The following CPXM2 variants were observed in gnomAD, a reference collection of about 807,000 sequenced individuals.
The protein encoded by CPXM2 is inactive carboxypeptidase-like protein X2.
Under a neutral mutation model 86.1 loss-of-function variants are expected in CPXM2, and 66 were observed. That is an observed-to-expected ratio of 0.77 (90% confidence interval 0.63 to 0.94). CPXM2 has a LOEUF of 0.94. Among genes scored for constraint, CPXM2 ranks in the 40% least tolerant of loss-of-function variants. The pLI is 0.00. For missense variants in CPXM2, 948 were observed against 1,026.3 expected (o/e 0.92, Z 1.04); for synonymous variants, 388 against 400.2 (o/e 0.97, Z 0.36).
chr10:123,819,211 T>G (rs146472938), intron 4 of CPXM2, among the ~76,000 whole-genome samples: 1 of 152,302 alleles, frequency 6.6e-6, no homozygotes, highest in South Asian at 2.1e-4. Context: ...AGAGTATGCA[T>G]GGACTACGGG....
chr10:123,795,859 C>T (rs1327874360), intron 6 of CPXM2, among the ~76,000 whole-genome samples: 1 of 152,162 alleles, frequency 6.6e-6, no homozygotes, highest in African/African-American at 2.4e-5. Context: ...AATAACTTCA[C>T]AGGGAAGTAT....
intron 2 of CPXM2, among the ~76,000 whole-genome samples, chr10:123,915,360 C>A (rs111960426): frequency 6.6e-6 from 1 of 152,102 alleles, no homozygotes; most frequent in Non-Finnish European, 1.5e-5. Context: ...GAGTTCGAGA[C>A]CAGACTGGCC....
intron 1 of CPXM2, among the ~76,000 whole-genome samples, chr10:123,888,900 T>G (rs1346235157): frequency 6.6e-6 from 1 of 152,156 alleles, no homozygotes; most frequent in Non-Finnish European, 1.5e-5. Context: ...GTTTTCAGTA[T>G]GGGGCTTGGA....
rs543350117 is a variant in CPXM2 at position 123,837,468 on chromosome 10, C to T, written c.653+4881G>A. Among the ~76,000 whole-genome samples the T allele has an allele frequency of 2.0e-4, 30 of 152,274 alleles. 2 individuals carry two copies. The South Asian group carries it at 6.2e-3, about 32-fold the overall frequency. On this transcript the variant is annotated intron_variant, in intron 4 of 13. Transcript: ENST00000241305. ...GAAAAGATTTGGTTACTTCAAACTG[C>T]CTGTATTTAGTCCAAATCATTAGAA...
chr10:123,827,490 A>G (rs1848072507), intron 4 of CPXM2, among the ~76,000 whole-genome samples: 1 of 152,222 alleles, frequency 6.6e-6, no homozygotes, highest in Admixed American at 6.5e-5. Context: ...CGTAAACCTA[A>G]CAAAAGGTTT....
intron 4 of CPXM2, among the ~76,000 whole-genome samples, chr10:123,834,595 C>T (rs1322203440): frequency 6.6e-6 from 1 of 152,148 alleles, no homozygotes; most frequent in Non-Finnish European, 1.5e-5. Context: ...AAAGGATGCT[C>T]CTGGGCTGGA....
At chr10:123,813,423 T>G (rs939213920) in intron 4 of CPXM2, among the ~76,000 whole-genome samples, 1 of 152,248 alleles carries the variant, frequency 6.6e-6, no homozygotes, top group Non-Finnish European at 1.5e-5. Context: ...GTCTTCATCA[T>G]GCTTCTCTTT....
intron 4 of CPXM2, among the ~76,000 whole-genome samples, chr10:123,834,545 G>C (rs1848239374): frequency 6.6e-6 from 1 of 152,224 alleles, no homozygotes; most frequent in African/African-American, 2.4e-5. Flanking sequence ...AAGTGCAAAG[G>C]CTCCAGGGCA....
chr10:123,871,656 G>A (rs1043187374), intron 2 of CPXM2, among the ~76,000 whole-genome samples: 1 of 152,028 alleles, frequency 6.6e-6, no homozygotes, highest in Non-Finnish European at 1.5e-5. Context: ...ACCTTGGGGT[G>A]GGCAAAAAAC....
chr10:123,773,033 T>C (rs1846685601), intron 7 of CPXM2, among the ~76,000 whole-genome samples: 1 of 151,886 alleles, frequency 6.6e-6, no homozygotes, highest in Non-Finnish European at 1.5e-5. Flanking sequence ...ACCTCCCTCT[T>C]TGTGGTCATC....
intron 4 of CPXM2, among the ~76,000 whole-genome samples, chr10:123,833,435 C>G (rs1328723326): frequency 6.6e-6 from 1 of 152,196 alleles, no homozygotes; most frequent in African/African-American, 2.4e-5. Flanking sequence ...CAGGCCTTTC[C>G]TGGGTGCCCT....
intron 10 of CPXM2, among the ~76,000 whole-genome samples, chr10:123,762,777 T>C (rs865985778): frequency 1.8e-4 from 28 of 152,366 alleles, no homozygotes; most frequent in South Asian, 1.4e-3. Context: ...TGGTCAAACA[T>C]TGATCAGTGA....
rs1945064464 is a variant in CPXM2 at position 123,880,446 on chromosome 10, CTT to C, written c.305-139_305-138del. ...CTGTCCCTAAAGATGGGGTCTTGGA[CTT>C]TAAGGAGTCTCTAGTTAAAGGAAAG... On this transcript the variant is annotated intron_variant, in intron 1 of 13. Coordinates refer to ENST00000241305, the MANE Select transcript of CPXM2 (RefSeq NM_198148.3). 6.6e-6 allele frequency: 4 copies of C among 604,546 alleles called. No individual in the cohort carries two copies. The South Asian group carries it at 7.9e-5, about 12-fold the overall frequency. 37.4% of individuals were successfully genotyped at this position (604,546 alleles called of 1,614,324 possible).
upstream of CPXM2, among the ~76,000 whole-genome samples, chr10:123,896,494 C>G (rs1431656089): frequency 6.6e-6 from 1 of 152,128 alleles, no homozygotes; most frequent in Non-Finnish European, 1.5e-5. Flanking sequence ...TACATAATTA[C>G]CCATTTCATA....
intron 4 of CPXM2, among the ~76,000 whole-genome samples, chr10:123,834,008 G>C (rs577099518): frequency 6.6e-6 from 1 of 152,168 alleles, no homozygotes; most frequent in East Asian, 1.9e-4. Context: ...TGTGGTAGCT[G>C]CTATTACATC....
intron 2 of CPXM2, among the ~76,000 whole-genome samples, chr10:123,899,864 T>A (rs1246521941): frequency 5.9e-5 from 9 of 151,968 alleles, no homozygotes; most frequent in Non-Finnish European, 7.4e-5. Flanking sequence ...AACCTAGAGA[T>A]GAGGAAAAAC....
chr10:123,923,544 G>A (rs1389751704), intron 2 of CPXM2, among the ~76,000 whole-genome samples: 2 of 151,036 alleles, frequency 1.3e-5, no homozygotes, highest in Admixed American at 6.6e-5. Flanking sequence ...TCGCGCCACT[G>A]CACTCCAGCC....
At chr10:123,873,251 T>TA (rs897047701) in intron 2 of CPXM2, among the ~76,000 whole-genome samples, 1 of 146,682 alleles carries the variant, frequency 6.8e-6, no homozygotes. Flanking sequence ...AGTCTACCAA[T>TA]AAAGAGTAGA....
chr10:123,847,394 T>C (rs1482168565), intron 3 of CPXM2, among the ~76,000 whole-genome samples: 1 of 152,002 alleles, frequency 6.6e-6, no homozygotes, highest in Non-Finnish European at 1.5e-5. Context: ...AGTGTGGTGG[T>C]ACAGGCCTGT....
Sources: gnomAD v4.1 joint callset for allele counts (sites outside exome capture counted in the v4.1 genomes callset) on GRCh38, gnomAD v4.1.1 for gene constraint, MANE v1.5 for transcripts, NCBI Gene and HGNC (gene_info 2026-07-23, HGNC 2026-07-21) for gene names.